MOB3B: variants seen among roughly 807,000 people sequenced by gnomAD.
MOB3B encodes the protein MOB kinase activator-like 2B.
In MOB3B, 7 loss-of-function variants were observed where a neutral mutation model predicts 18.7. The observed-to-expected ratio is 0.37, with a 90% CI of 0.21 to 0.70. The LOEUF (loss-of-function observed/expected upper bound fraction) is 0.70, where lower values mean the gene tolerates loss of function less well. Among genes scored for constraint, MOB3B ranks in the 30% least tolerant of loss-of-function variants. The probability of loss-of-function intolerance (pLI) is 0.52; values close to 1 mark genes in which losing one functional copy is unlikely to be tolerated. For synonymous variants in MOB3B, 111 were observed against 99.9 expected (o/e 1.11, Z -0.66); for missense variants, 253 against 281.3 (o/e 0.90, Z 0.72).
rs1821661395 is a variant in MOB3B, at chr9:27,387,308, C to T, written c.419-28072G>A. ...ATTAAAGGTGATGAGTCTTAACAGG[C>T]AGACCATTTTATACACACCTGCCCC... On this transcript the variant is annotated intron_variant, in intron 2 of 3. Coordinates refer to ENST00000262244, the MANE Select transcript of MOB3B (RefSeq NM_024761.5). Among the ~76,000 whole-genome samples the T allele has an allele frequency of 2.0e-5, 3 of 152,110 alleles. No individual in the cohort carries two copies. The South Asian group carries it at 6.2e-4, about 32-fold the overall frequency.
At chr9:27,462,841 T>G (rs1447549195) in intron 1 of MOB3B, among the ~76,000 whole-genome samples, 1 of 152,172 alleles carries the variant, frequency 6.6e-6, no homozygotes. Flanking sequence ...GCAAAAGATC[T>G]TTGCAGGAAG....
chr9:27,347,178 T>C (rs28384340), intron 3 of MOB3B, among the ~76,000 whole-genome samples: 17,402 of 152,262 alleles, frequency 0.11, 2,624 homozygotes, highest in African/African-American at 0.35. Flanking sequence ...TGGTCTTACA[T>C]ACATGCCATT....
intron 3 of MOB3B, among the ~76,000 whole-genome samples, chr9:27,358,340 G>T (rs977461164): frequency 2.0e-5 from 3 of 152,186 alleles, no homozygotes; most frequent in Non-Finnish European, 4.4e-5. Flanking sequence ...AGGTTTTTAG[G>T]GGTCCTTGAC....
chr9:27,434,840 G>A (rs1231177029), intron 2 of MOB3B, among the ~76,000 whole-genome samples: 12 of 152,002 alleles, frequency 7.9e-5, no homozygotes, highest in Admixed American at 7.9e-4. Flanking sequence ...CACTGCAAAG[G>A]GCTCTCAGTT....
intron 1 of MOB3B, among the ~76,000 whole-genome samples, chr9:27,492,169 A>G (rs1819829457): frequency 6.6e-6 from 1 of 152,152 alleles, no homozygotes; most frequent in Non-Finnish European, 1.5e-5. Context: ...AAGTTGTGGA[A>G]AAATATGAGC....
intron 1 of MOB3B, among the ~76,000 whole-genome samples, chr9:27,528,650 G>T (rs984192610): frequency 6.6e-6 from 1 of 152,198 alleles, no homozygotes; most frequent in Non-Finnish European, 1.5e-5. Flanking sequence ...CCCAAGCCCC[G>T]CCAGATGTTG....
intron 2 of MOB3B, among the ~76,000 whole-genome samples, chr9:27,424,555 G>T (rs1381149421): frequency 6.6e-6 from 1 of 152,124 alleles, no homozygotes; most frequent in Admixed American, 6.5e-5. Flanking sequence ...TCTTGCTATT[G>T]CCAAACCCAG....
intron 2 of MOB3B, among the ~76,000 whole-genome samples, chr9:27,406,893 C>T (rs1821988438): frequency 6.6e-6 from 1 of 151,702 alleles, no homozygotes; most frequent in African/African-American, 2.4e-5. Context: ...GGCTGGAGTG[C>T]AATGGCATGA....
intron 3 of MOB3B, among the ~76,000 whole-genome samples, chr9:27,342,484 C>A (rs903825128): frequency 6.6e-6 from 1 of 151,348 alleles, no homozygotes; most frequent in African/African-American, 2.5e-5. Context: ...TCCCTCTCCC[C>A]GGTCTCCCTC....
chr9:27,447,833 G>A (rs905309515), intron 2 of MOB3B, among the ~76,000 whole-genome samples: 1 of 152,196 alleles, frequency 6.6e-6, no homozygotes, highest in African/African-American at 2.4e-5. Context: ...AGCAGCCAGT[G>A]GGGTGCAGGG....
At chr9:27,500,135 C>T (rs187534476) in intron 1 of MOB3B, among the ~76,000 whole-genome samples, 3 of 152,064 alleles carry the variant, frequency 2.0e-5, no homozygotes, top group Non-Finnish European at 1.5e-5. Flanking sequence ...ATAGCAGAAA[C>T]CTAGAACTGA....
At chr9:27,451,876 A>T (rs1022895923) in intron 2 of MOB3B, among the ~76,000 whole-genome samples, 5 of 152,236 alleles carry the variant, frequency 3.3e-5, no homozygotes, top group Non-Finnish European at 5.9e-5. Context: ...GAGGAAATGG[A>T]GTGTAACAGA....
At chr9:27,365,316 G>A (rs1821328567) in intron 2 of MOB3B, among the ~76,000 whole-genome samples, 1 of 151,020 alleles carries the variant, frequency 6.6e-6, no homozygotes, top group African/African-American at 2.4e-5. Flanking sequence ...GGTGTGGAAA[G>A]GAAAAACTCT....
intron 3 of MOB3B, among the ~76,000 whole-genome samples, chr9:27,343,237 G>A (rs971003795): frequency 4.6e-5 from 7 of 151,444 alleles, no homozygotes; most frequent in South Asian, 2.1e-4. Flanking sequence ...GATTAAGGGT[G>A]GTGCAAGATG....
chr9:27,340,975 C>T (rs1820932266), intron 3 of MOB3B, among the ~76,000 whole-genome samples: 1 of 152,232 alleles, frequency 6.6e-6, no homozygotes, highest in Non-Finnish European at 1.5e-5. Flanking sequence ...TGACTGAGTG[C>T]ACCCACCCGC....
chr9:27,424,719 C>T lies in MOB3B; in HGVS notation c.418+30414G>A, dbSNP rs567321477. Among the ~76,000 whole-genome samples, 20 of 152,204 alleles carry T rather than the reference C, an allele frequency of 1.3e-4. No individual in the cohort carries two copies. The South Asian group carries it at 2.5e-3, about 19-fold the overall frequency. ...GGATAATGCAATTTGTACTGGCCAC[C>T]GAGCAAAGAATATACCAGACTGGAA... On this transcript the variant is annotated intron_variant, in intron 2 of 3. Transcript: ENST00000262244.
intron 2 of MOB3B, among the ~76,000 whole-genome samples, chr9:27,445,433 C>G (rs1822674958): frequency 6.8e-6 from 1 of 147,430 alleles, no homozygotes; most frequent in African/African-American, 2.4e-5. Context: ...TTCTGGAAAA[C>G]AGAAAAAAGC....
At chr9:27,377,637 T>C (rs1447471422) in intron 2 of MOB3B, among the ~76,000 whole-genome samples, 2 of 152,162 alleles carry the variant, frequency 1.3e-5, no homozygotes, top group African/African-American at 4.8e-5. Flanking sequence ...AGTTCCCAGG[T>C]GAGGTTTATA....
At chr9:27,454,675 T>C (rs1822842042) in intron 2 of MOB3B, among the ~76,000 whole-genome samples, 1 of 152,240 alleles carries the variant, frequency 6.6e-6, no homozygotes, top group South Asian at 2.1e-4. Context: ...TCAGGATCTC[T>C]TTCTCCTCAG....
Sources: gnomAD v4.1 joint callset for allele counts (sites outside exome capture counted in the v4.1 genomes callset) on GRCh38, gnomAD v4.1.1 for gene constraint, MANE v1.5 for transcripts, NCBI Gene and HGNC (gene_info 2026-07-23, HGNC 2026-07-21) for gene names.